MIA2: variants seen among roughly 807,000 people sequenced by gnomAD.
MIA2 encodes MIA SH3 domain ER export factor 2, also known as melanoma inhibitory activity protein 2.
In MIA2, 127 loss-of-function variants were observed where a neutral mutation model predicts 167.8. The ratio of observed to expected loss-of-function variants is 0.76; its 90% CI spans 0.66 to 0.88. The LOEUF is 0.88. Among genes scored for constraint, MIA2 ranks in the 40% least tolerant of loss-of-function variants. MIA2 has a pLI of 0.00. For synonymous variants in MIA2, 552 were observed against 541.9 expected, an observed-to-expected ratio of 1.02 and a Z score of -0.26; for missense variants, 1,690 against 1,624.7, an observed-to-expected ratio of 1.04 and a Z score of -0.69.
At chr14:39,245,375 G>A (rs1292603665) in intron 3 of MIA2, among the ~76,000 whole-genome samples, 1 of 151,838 alleles carries the variant, frequency 6.6e-6, no homozygotes, top group Non-Finnish European at 1.5e-5. Flanking sequence ...TATAGCTGAT[G>A]AGCTAAAAAG....
At chr14:39,329,769 G>A (rs1485927088) in intron 25 of MIA2, among the ~76,000 whole-genome samples, 2 of 151,334 alleles carry the variant, frequency 1.3e-5, no homozygotes, top group Non-Finnish European at 2.9e-5. Context: ...GATGAATTAC[G>A]TTTACTAATT....
intron 24 of MIA2, among the ~76,000 whole-genome samples, chr14:39,323,551 C>G (rs951054518): frequency 1.4e-5 from 2 of 147,796 alleles, no homozygotes; most frequent in Non-Finnish European, 3.0e-5. Flanking sequence ...TAATTGAAAC[C>G]GCTACATGAA....
intron 25 of MIA2, among the ~76,000 whole-genome samples, chr14:39,334,321 A>T (rs956846740): frequency 6.6e-6 from 1 of 151,954 alleles, no homozygotes; most frequent in Non-Finnish European, 1.5e-5. Flanking sequence ...CAAAAAATAC[A>T]AAAATTAGCT....
chr14:39,303,384 T>A (rs983964584), intron 15 of MIA2, 94 bp from the exon 16 acceptor site: 1 of 945,292 alleles, frequency 1.1e-6, no homozygotes, highest in Non-Finnish European at 1.6e-6. Context: ...ATTATAAGTT[T>A]CTGGTTTAGT....
chr14:39,375,598 A>G (rs1250055024), intron 23 of MIA2, among the ~76,000 whole-genome samples: 2 of 152,182 alleles, frequency 1.3e-5, no homozygotes, highest in Non-Finnish European at 2.9e-5. Context: ...TCAGGAGGCC[A>G]AGGCAAGAGA....
At position 39,338,233 on chromosome 14, in the gene MIA2, A is replaced by G. The variant is rs539001510; in HGVS notation, c.3656-7671A>G. On this transcript the variant is annotated intron_variant, in intron 25 of 28. Coordinates refer to ENST00000640607, the MANE Select transcript of MIA2 (RefSeq NM_001329214.4). ...GTAAAATGTCATAGAACTAGACACG[A>G]GTTGTACCAATGTCAGTTTTCTGGC... Among the ~76,000 whole-genome samples, 9 of 152,344 alleles carry G rather than the reference A, an allele frequency of 5.9e-5. No individual in the cohort carries two copies. In the South Asian group the frequency reaches 1.9e-3, roughly 32 times the overall value.
chr14:39,311,834 G>T (rs2064342438), intron 18 of MIA2, among the ~76,000 whole-genome samples: 1 of 77,500 alleles, frequency 1.3e-5, no homozygotes. Context: ...TTGTGTGTGT[G>T]TGTTTTTTTT....
intron 20 of MIA2, chr14:39,315,405 CTCAG>C (rs2065230109): frequency 3.4e-6 from 1 of 289,872 alleles, no homozygotes; most frequent in Non-Finnish European, 6.3e-6. Context: ...GGGTCTCATA[CTCAG>C]TCAGGCTAGT....
intron 25 of MIA2, among the ~76,000 whole-genome samples, chr14:39,341,092 A>G (rs1471639106): frequency 6.6e-6 from 1 of 152,126 alleles, no homozygotes; most frequent in Admixed American, 6.5e-5. Context: ...ACCTGAGGTC[A>G]GAAGTTCAAG....
rs62000684 is a variant in MIA2 at position 39,323,162 on chromosome 14, C to T, written c.3496+2106C>T. ...ACTGTATGGTCATGAGATATTCTCC[C>T]TTTGCCCATATCCTGTTTGTATCCT... On this transcript the variant is annotated intron_variant, in intron 24 of 28. Transcript: ENST00000640607. 1.6e-4 allele frequency among the ~76,000 whole-genome samples: 25 copies of T among 152,218 alleles called. No individual in the cohort carries two copies. In the South Asian group the frequency reaches 4.1e-3, roughly 25 times the overall value.
At chr14:39,290,330 T>TA (rs2060559998) in intron 9 of MIA2, among the ~76,000 whole-genome samples, 1 of 143,862 alleles carries the variant, frequency 7.0e-6, no homozygotes, top group African/African-American at 2.8e-5. Flanking sequence ...AGATATATAT[T>TA]TTTTTTTTTG....
At chr14:39,334,442 T>G (rs1371426727) in intron 25 of MIA2, among the ~76,000 whole-genome samples, 1 of 151,050 alleles carries the variant, frequency 6.6e-6, no homozygotes, top group Non-Finnish European at 1.5e-5. Flanking sequence ...GCCACTGCAC[T>G]CTAGTCTGGC....
intron 6 of MIA2, 31 bp downstream of exon 6, chr14:39,253,202 ATTT>A: frequency 1.2e-6 from 2 of 1,603,512 alleles, no homozygotes; most frequent in Non-Finnish European, 1.7e-6. Context: ...TTTTGCAATA[ATTT>A]TACCTATTTT....
In MIA2 at chr14:39,247,504, T is replaced by C. The variant is rs1288050355; in HGVS notation, c.930T>C (p.Phe310=). Residue 310 remains phenylalanine, a synonymous_variant, in exon 4 of 29, where the codon TTT becomes TTC. Coordinates refer to ENST00000640607, the MANE Select transcript of MIA2 (RefSeq NM_001329214.4). The part of the protein sequence containing the change: ...HIPKPQSTGW[F]GGGFTSYLGF... The stretch of plus-strand genomic sequence containing the variant: ...CCAAACCTCAATCCACTGGTTGGTT[T>C]GGTGGAGGATTTACAAGTTATTTAG... 2.5e-6 allele frequency: 4 copies of C among 1,614,016 alleles called. No homozygotes were observed. The highest frequency in any genetic ancestry group is 8.5e-7 in the Non-Finnish European group (1 of 1,179,988).
chr14:39,358,105 G>C (rs1016269991), intron 23 of MIA2, among the ~76,000 whole-genome samples: 1 of 152,164 alleles, frequency 6.6e-6, no homozygotes, highest in African/African-American at 2.4e-5. Flanking sequence ...GGCTTGCCTT[G>C]CTAGACTGGG....
At chr14:39,260,522 T>C (rs1255766778) in intron 6 of MIA2, among the ~76,000 whole-genome samples, 1 of 152,272 alleles carries the variant, frequency 6.6e-6, no homozygotes, top group African/African-American at 2.4e-5. Context: ...AAAGTGTCTG[T>C]TCATATCCTT....
chr14:39,387,067 T>C, exon 24 of MIA2: 1 of 676,344 alleles, frequency 1.5e-6, no homozygotes. Context: ...GGTAATCAAA[T>C]TGAAGCCTTG....
intron 10 of MIA2, chr14:39,292,716 TTATAG>T (rs1265961157): frequency 3.4e-5 from 10 of 291,446 alleles, no homozygotes; most frequent in Middle Eastern, 4.8e-4. Context: ...GGTATGTTTA[TTATAG>T]TATTTAAAAT....
intron 19 of MIA2, among the ~76,000 whole-genome samples, chr14:39,313,693 A>G (rs1245438141): frequency 2.6e-5 from 4 of 152,176 alleles, no homozygotes; most frequent in Non-Finnish European, 5.9e-5. Context: ...AATCTCTCAA[A>G]GTTGAATATG....
Sources: gnomAD v4.1 joint callset for allele counts (sites outside exome capture counted in the v4.1 genomes callset) on GRCh38, gnomAD v4.1.1 for gene constraint, MANE v1.5 for transcripts, NCBI Gene and HGNC (gene_info 2026-07-23, HGNC 2026-07-21) for gene names.